The following ITGA6 variants were observed in gnomAD, a reference collection of about 807,000 sequenced individuals.
ITGA6 encodes integrin alpha-6.
In ITGA6, 63 loss-of-function variants were observed where a neutral mutation model predicts 133.6. The ratio of observed to expected loss-of-function variants is 0.47; its 90% CI spans 0.38 to 0.58. The LOEUF is 0.58. Ranked by LOEUF, ITGA6 falls within the 20% of genes least tolerant of loss-of-function variation. The probability of loss-of-function intolerance (pLI) is 0.00; values close to 1 mark genes in which losing one functional copy is unlikely to be tolerated. For missense variants in ITGA6, 1,068 were observed against 1,309.4 expected (o/e 0.82, Z 2.85); for synonymous variants, 434 against 482.0 (o/e 0.90, Z 1.30).
intron 5 of ITGA6, 123 bp from the exon 6 acceptor site, chr2:172,473,932 T>C: frequency 7.7e-6 from 5 of 651,346 alleles, no homozygotes; most frequent in South Asian, 7.5e-5. Flanking sequence ...TGATAGCTGG[T>C]GGGAGGGTCA....
chr2:172,462,317 C>T (rs1028208367), intron 1 of ITGA6, among the ~76,000 whole-genome samples: 1 of 152,198 alleles, frequency 6.6e-6, no homozygotes, highest in Admixed American at 6.5e-5. Context: ...CCCTGTGGGA[C>T]CACCTGAGGT....
chr2:172,470,938 CA>C, intron 4 of ITGA6, 35 bp from the exon 5 acceptor site: 1 of 1,608,594 alleles, frequency 6.2e-7, no homozygotes, highest in Non-Finnish European at 8.5e-7. Flanking sequence ...GTTTCATCTT[CA>C]TTTTTTTGTT....
chr2:172,466,367 C>T (rs1353442386), intron 2 of ITGA6, among the ~76,000 whole-genome samples: 1 of 152,180 alleles, frequency 6.6e-6, no homozygotes, highest in Non-Finnish European at 1.5e-5. Context: ...CACCTGTAAT[C>T]CTAGCATTTT....
Position 172,469,157 on chromosome 2 carries a change from T to G in ITGA6, c.420T>G (p.His140Gln). ...TCAHRYEKRQ[H>Q]VNTKQESRDI... ...CTCACCGATATGAAAAAAGGCAGCATGTTAATACGAAGCAGGAATCCCGAG... is the reference window on the plus strand; with the variant it reads ...CTCACCGATATGAAAAAAGGCAGCAGGTTAATACGAAGCAGGAATCCCGAG... Residue 140 changes from histidine to glutamine, a missense_variant, in exon 4 of 26, where the codon CAT becomes CAG. By Grantham distance (24) the His-to-Gln change is conservative (BLOSUM62 0). Around this residue, in one of 3 missense-constraint regions of ITGA6, gnomAD observed 317 missense variants for 456.9 expected, o/e 0.69. Transcript: ENST00000684293. 6.2e-7 allele frequency: 1 copy of G among 1,614,162 alleles called. No homozygotes were observed.
intron 1 of ITGA6, among the ~76,000 whole-genome samples, chr2:172,446,530 G>A (rs1032130286): frequency 4.6e-5 from 7 of 152,118 alleles, no homozygotes; most frequent in Admixed American, 2.0e-4. Context: ...ACTATGTGCC[G>A]AGCACTGTGC....
At chr2:172,430,821 T>A (rs6433356) in intron 1 of ITGA6, among the ~76,000 whole-genome samples, 42,227 of 151,846 alleles carry the variant, frequency 0.28, 6,949 homozygotes, top group East Asian at 0.68. Flanking sequence ...GTGACTGAGG[T>A]CAGGGTCTGA....
rs150051550 is a variant in ITGA6 at position 172,496,690 on chromosome 2, A to G, written c.2989-1285A>G. On this transcript the variant is annotated intron_variant, in intron 23 of 25. Coordinates refer to ENST00000684293, the MANE Select transcript of ITGA6 (RefSeq NM_000210.4). The stretch of plus-strand genomic sequence containing the variant: ...TTCTCTTAACTCAGAAATATCAGAA[A>G]CTTCAAACCAGTGGATCTCTAATCA... Among the ~76,000 whole-genome samples the G allele has an allele frequency of 4.1e-3, 623 of 152,328 alleles. 9 individuals are homozygous for G. The South Asian group carries it at 0.053, about 13-fold the overall frequency.
chr2:172,502,773 C>T (rs1194185898), intron 25 of ITGA6, among the ~76,000 whole-genome samples: 1 of 152,146 alleles, frequency 6.6e-6, no homozygotes, highest in Admixed American at 6.5e-5. Flanking sequence ...ATAGGAATTG[C>T]TAGTGATCCC....
chr2:172,489,900 T>C, intron 20 of ITGA6: 1 of 456,762 alleles, frequency 2.2e-6, no homozygotes, highest in Non-Finnish European at 4.0e-6. Flanking sequence ...CAAATGGTAT[T>C]TTCTGATGTT....
At chr2:172,434,033 C>T (rs10171775) in intron 1 of ITGA6, among the ~76,000 whole-genome samples, 6 of 152,058 alleles carry the variant, frequency 3.9e-5, no homozygotes, top group African/African-American at 1.4e-4. Context: ...AAAGCACCCC[C>T]ACACCTCCAT....
chr2:172,484,273 A>AT, intron 11 of ITGA6, among the ~76,000 whole-genome samples: 1 of 152,368 alleles, frequency 6.6e-6, no homozygotes, highest in South Asian at 2.1e-4. Context: ...AATAAAGCAG[A>AT]TTCTGCTTCC....
rs753471875 is a variant in ITGA6 at position 172,491,363 on chromosome 2, AGTAATTT to A, written c.2889+34_2889+40del. ...CCTTGGCTTGAGGCTGTCCCATGGA[AGTAATTT>A]GCCTTTGCCTAGGACACTTTTCACT... is the stretch of plus-strand genomic sequence containing the variant. On this transcript the variant is annotated intron_variant, in intron 22 of 25. Coordinates refer to ENST00000684293, the MANE Select transcript of ITGA6 (RefSeq NM_000210.4). This position sits in a 1 kb window ranked among gnomAD's most constrained non-coding sequence, Gnocchi z 4.4. The A allele has an allele frequency of 1.9e-6, 3 of 1,573,382 alleles. No individual in the cohort carries two copies. In the South Asian group the frequency reaches 3.3e-5, roughly 17 times the overall value.
chr2:172,457,313 A>G (rs1368654696), intron 1 of ITGA6, among the ~76,000 whole-genome samples: 1 of 151,636 alleles, frequency 6.6e-6, no homozygotes, highest in Non-Finnish European at 1.5e-5. Context: ...AAAAAAAAAA[A>G]AAGAAGCAAA....
rs1025319909 is a variant in ITGA6, at chr2:172,505,423, C to T, written c.*1355C>T. The T allele has an allele frequency of 1.6e-4, 25 of 152,110 alleles. No individual in the cohort carries two copies. The highest frequency in any genetic ancestry group is 5.3e-4 in the African/African-American group (22 of 41,422). The allele number at this position is 152,110 out of a possible 1,614,324, so 9.4% of individuals were successfully genotyped here. On this transcript the variant is annotated 3_prime_UTR_variant, in exon 26 of 26. Coordinates refer to ENST00000684293, the MANE Select transcript of ITGA6 (RefSeq NM_000210.4). ...AACAGTTAATCAGTGAGTCGATGTT[C>T]TATTTTTTGTTTTGTTTCCTCCCCT...
chr2:172,491,406 A>G lies in ITGA6; in HGVS notation c.2890-19A>G, dbSNP rs367563520. Reference sequence around the variant, plus strand: ...AGGACACTTTTCACTTCCCTAATGCATTCACTGTCTCCAAACAGGAATATT... The same window carrying G: ...AGGACACTTTTCACTTCCCTAATGCGTTCACTGTCTCCAAACAGGAATATT... On this transcript the variant is annotated intron_variant, in intron 22 of 25. Transcript: ENST00000684293. This position sits in a 1 kb window ranked among gnomAD's most constrained non-coding sequence, Gnocchi z 4.4. The G allele has an allele frequency of 3.7e-5, 60 of 1,600,982 alleles. No homozygotes were observed. The highest frequency in any genetic ancestry group is 4.5e-5 in the Non-Finnish European group (52 of 1,168,120).
intron 1 of ITGA6, among the ~76,000 whole-genome samples, chr2:172,432,008 A>T (rs567024847): frequency 6.6e-6 from 1 of 152,334 alleles, no homozygotes; most frequent in African/African-American, 2.4e-5. Context: ...TTAAGCTTTC[A>T]TAACCAAATA....
chr2:172,428,053 G>A lies in ITGA6; in HGVS notation c.182+83G>A, dbSNP rs530915391. On this transcript the variant is annotated intron_variant, in intron 1 of 25. Coordinates refer to ENST00000684293, the MANE Select transcript of ITGA6 (RefSeq NM_000210.4). ...GCGAGGGCGCGCCCTGTTCCCGCCG[G>A]CCCCGGGGAGTAGTTGGCCCGTGGG... 9 of 1,438,196 alleles carry A rather than the reference G, an allele frequency of 6.3e-6. No individual in the cohort carries two copies. The East Asian group carries it at 1.2e-4, about 20-fold the overall frequency. 89.1% of individuals were successfully genotyped at this position (1,438,196 alleles called of 1,614,324 possible).
At chr2:172,442,272 T>C (rs575637582) in intron 1 of ITGA6, among the ~76,000 whole-genome samples, 4 of 152,216 alleles carry the variant, frequency 2.6e-5, no homozygotes, top group African/African-American at 7.2e-5. Flanking sequence ...CTCCTCCCGG[T>C]AGGAAGTGAT....
intron 11 of ITGA6, among the ~76,000 whole-genome samples, chr2:172,481,605 T>C (rs967297240): frequency 2.0e-5 from 3 of 152,196 alleles, no homozygotes; most frequent in African/African-American, 7.2e-5. Flanking sequence ...TTTCCAGATT[T>C]CGAGCTGTCT....
Sources: gnomAD v4.1 joint callset for allele counts (sites outside exome capture counted in the v4.1 genomes callset) on GRCh38, gnomAD v4.1.1 for gene constraint, gnomAD v4.1.1 regional missense constraint, Gnocchi (gnomAD v3.1) non-coding constraint, MANE v1.5 for transcripts, NCBI Gene and HGNC (gene_info 2026-07-23, HGNC 2026-07-21) for gene names.